Variants in PPEF1 observed in about 807,000 individuals in gnomAD.
PPEF1 encodes protein phosphatase with EF-hand domain 1, also known as serine/threonine-protein phosphatase with EF-hands 1.
A neutral mutation model predicts 53.3 loss-of-function variants in PPEF1; 12 were observed. The observed-to-expected ratio is 0.23, with a 90% CI of 0.14 to 0.36. The LOEUF (loss-of-function observed/expected upper bound fraction) is 0.36, where lower values mean the gene tolerates loss of function less well. Ranked by LOEUF, PPEF1 falls within the 10% of genes least tolerant of loss-of-function variation. The pLI, the probability that PPEF1 is intolerant of heterozygous loss-of-function variation, is 1.00. For missense variants in PPEF1, 334 were observed against 490.4 expected, an observed-to-expected ratio of 0.68 and a Z score of 3.01; for synonymous variants, 165 against 176.7, an observed-to-expected ratio of 0.93 and a Z score of 0.52.
chrX:18,756,700 C>A (rs1272756647), intron 4 of PPEF1, among the ~76,000 whole-genome samples: 1 of 111,865 alleles, frequency 8.9e-6, no homozygotes, highest in Non-Finnish European at 1.9e-5. Context: ...CTAGTATGAC[C>A]AAAATGATTT....
chrX:18,816,167 A>G (rs1318901006), intron 12 of PPEF1, among the ~76,000 whole-genome samples: 1 of 110,036 alleles, frequency 9.1e-6, no homozygotes, highest in Non-Finnish European at 1.9e-5. Flanking sequence ...TCTAAGCACT[A>G]CTTCATATGT....
intron 2 of PPEF1, among the ~76,000 whole-genome samples, chrX:18,685,287 T>C (rs1046200772): frequency 8.9e-6 from 1 of 112,416 alleles, no homozygotes; most frequent in African/African-American, 3.2e-5. Flanking sequence ...GGTAGAGTCC[T>C]AAGGCCATCT....
At chrX:18,732,157 G>GT (rs2044853328) in intron 2 of PPEF1, among the ~76,000 whole-genome samples, 1 of 112,886 alleles carries the variant, frequency 8.9e-6, no homozygotes, top group African/African-American at 3.2e-5. Context: ...GTTCACCCAT[G>GT]TTGTAGCACA....
At chrX:18,743,446 C>CTTTTTTTTTTTT (rs72264344) in intron 3 of PPEF1, among the ~76,000 whole-genome samples, 6 of 59,332 alleles carry the variant, frequency 1.0e-4, no homozygotes, top group African/African-American at 4.3e-4. Flanking sequence ...TTCTCTTTTT[C>CTTTTTTTTTTTT]TTTTTTTTTT....
At chrX:18,690,830 A>C (rs1465534227) in intron 3 of PPEF1, 1 of 112,749 alleles carries the variant, frequency 8.9e-6, no homozygotes, top group Non-Finnish European at 1.9e-5. Flanking sequence ...CATCCAGGTC[A>C]TGTCGTCCAC....
intron 12 of PPEF1, among the ~76,000 whole-genome samples, chrX:18,806,813 C>G (rs112503202): frequency 3.6e-4 from 40 of 111,453 alleles, no homozygotes; most frequent in African/African-American, 1.2e-3. Flanking sequence ...AAAGAAGATC[C>G]CCACACCCAC....
At chrX:18,685,563 T>TAGTC (rs1929039031) in intron 2 of PPEF1, among the ~76,000 whole-genome samples, 1 of 109,089 alleles carries the variant, frequency 9.2e-6, no homozygotes, top group Non-Finnish European at 1.9e-5. Context: ...CGGGTGCCTG[T>TAGTC]AGTCCCAGCT....
intron 10 of PPEF1, among the ~76,000 whole-genome samples, chrX:18,790,970 C>T (rs1344554224): frequency 9.0e-6 from 1 of 111,299 alleles, no homozygotes; most frequent in African/African-American, 3.3e-5. Flanking sequence ...TGTGCCCGGC[C>T]ACCAGCACCA....
chrX:18,736,780 G>T (rs1390956689), intron 3 of PPEF1, among the ~76,000 whole-genome samples: 1 of 112,329 alleles, frequency 8.9e-6, no homozygotes, highest in Admixed American at 9.4e-5. Flanking sequence ...TGGTTGGTAG[G>T]CTATTAATTA....
intron 13 of PPEF1, among the ~76,000 whole-genome samples, chrX:18,822,720 A>G (rs1006389451): frequency 9.0e-6 from 1 of 110,746 alleles, no homozygotes; most frequent in East Asian, 2.8e-4. Flanking sequence ...GAGATTTCTA[A>G]GATATTATTA....
chrX:18,705,759 C>CTAA (rs2044181022), upstream of PPEF1, among the ~76,000 whole-genome samples: 1 of 111,319 alleles, frequency 9.0e-6, no homozygotes, highest in Admixed American at 9.6e-5. Context: ...TTTAGGAAGG[C>CTAA]TAATTCATTC....
chrX:18,826,389 A>C (rs2047164018), intron 15 of PPEF1, among the ~76,000 whole-genome samples: 1 of 93,086 alleles, frequency 1.1e-5, no homozygotes, highest in Non-Finnish European at 2.1e-5. Flanking sequence ...TGTTTTGGGG[A>C]GTAAGGGCTA....
intron 10 of PPEF1, 127 bp downstream of exon 10, chrX:18,789,400 C>A: frequency 1.5e-6 from 1 of 652,926 alleles, no homozygotes; most frequent in Non-Finnish European, 2.3e-6. Flanking sequence ...TGGAATTCAT[C>A]ACTATATTTT....
intron 3 of PPEF1, among the ~76,000 whole-genome samples, chrX:18,689,288 G>T (rs1317994916): frequency 9.2e-6 from 1 of 109,192 alleles, no homozygotes; most frequent in African/African-American, 3.3e-5. Flanking sequence ...TTTGAGACCA[G>T]CCTGGGCAAG....
chrX:18,678,821 A>C (rs1928773026), upstream of PPEF1, among the ~76,000 whole-genome samples: 1 of 107,285 alleles, frequency 9.3e-6, no homozygotes, highest in African/African-American at 3.4e-5. Flanking sequence ...ACCTTTAAAC[A>C]CAGCCGTACC....
chrX:18,824,384 G>A lies in PPEF1; in HGVS notation c.1665+298G>A, dbSNP rs760288356. Among the ~76,000 whole-genome samples the A allele has an allele frequency of 2.4e-4, 26 of 109,975 alleles. No individual in the cohort carries two copies. In the South Asian group the frequency reaches 2.8e-3, roughly 12 times the overall value. ...GAACCCAGGAGGCGGAGGTTGCAGC[G>A]AGCCAGGATCGCACCATTGCACTCC... On this transcript the variant is annotated intron_variant, in intron 14 of 15. Coordinates refer to ENST00000470157, the MANE Select transcript of PPEF1 (RefSeq NM_001377996.1).
At chrX:18,803,371 A>C (rs1233642626) in intron 10 of PPEF1, among the ~76,000 whole-genome samples, 3 of 112,680 alleles carry the variant, frequency 2.7e-5, no homozygotes, top group Non-Finnish European at 5.6e-5. Context: ...CGTGGGCGTT[A>C]TGGCCATCAT....
chrX:18,795,476 A>G (rs1477960563), intron 10 of PPEF1, among the ~76,000 whole-genome samples: 2 of 112,228 alleles, frequency 1.8e-5, no homozygotes, highest in Non-Finnish European at 3.8e-5. Context: ...TCTTTGTGAC[A>G]GCGTGCATAT....
At chrX:18,826,718 G>A (rs5909096) in intron 15 of PPEF1, among the ~76,000 whole-genome samples, 10,277 of 109,329 alleles carry the variant, frequency 0.094, 527 homozygotes, top group Non-Finnish European at 0.15. Flanking sequence ...GAGCCACTGC[G>A]CCCGGCCTTC....
Sources: gnomAD v4.1 joint callset for allele counts (sites outside exome capture counted in the v4.1 genomes callset) on GRCh38, gnomAD v4.1.1 for gene constraint, MANE v1.5 for transcripts, NCBI Gene and HGNC (gene_info 2026-07-23, HGNC 2026-07-21) for gene names.